The following ARSG variants were observed in gnomAD, a reference collection of about 807,000 sequenced individuals.
ARSG encodes ASG.
A neutral mutation model predicts 50.5 loss-of-function variants in ARSG; 37 were observed. The ratio of observed to expected loss-of-function variants is 0.73; its 90% CI spans 0.56 to 0.96. The LOEUF (loss-of-function observed/expected upper bound fraction) is 0.96, where lower values mean the gene tolerates loss of function less well. Among genes scored for constraint, ARSG ranks in the 50% least tolerant of loss-of-function variants. ARSG has a pLI of 0.00. For synonymous variants in ARSG, 225 were observed against 254.6 expected, an observed-to-expected ratio of 0.88 and a Z score of 1.11; for missense variants, 629 against 675.3, an observed-to-expected ratio of 0.93 and a Z score of 0.76.
At chr17:68,413,152 C>T (rs1468100108) in intron 11 of ARSG, among the ~76,000 whole-genome samples, 9 of 152,204 alleles carry the variant, frequency 5.9e-5, no homozygotes, top group Admixed American at 3.3e-4. Flanking sequence ...AGCTTTGTTC[C>T]GTTGCTGGTG....
intron 2 of ARSG, among the ~76,000 whole-genome samples, chr17:68,341,447 G>A (rs1390383017): frequency 3.9e-5 from 6 of 152,172 alleles, no homozygotes; most frequent in South Asian, 2.1e-4. Flanking sequence ...AGCTTCTGGT[G>A]TATCCTTTCA....
downstream of ARSG, chr17:68,426,994 A>AGGG (rs2083237213): frequency 1.8e-5 from 12 of 684,872 alleles, no homozygotes; most frequent in South Asian, 2.2e-4. Flanking sequence ...CTCCACCCCC[A>AGGG]GGTAACAGTG....
intron 4 of ARSG, among the ~76,000 whole-genome samples, chr17:68,348,119 C>T (rs1401865593): frequency 2.0e-5 from 3 of 152,212 alleles, no homozygotes; most frequent in Non-Finnish European, 4.4e-5. Flanking sequence ...GCTCATTCCT[C>T]TCCCTCTCCT....
At chr17:68,372,275 T>C (rs117952334) in intron 8 of ARSG, among the ~76,000 whole-genome samples, 2,240 of 151,720 alleles carry the variant, frequency 0.015, 12 homozygotes, top group Non-Finnish European at 0.021. Flanking sequence ...CTGTCATCTA[T>C]CTATCTATCT....
In ARSG at chr17:68,307,074, A is replaced by G. The variant is rs2076636682; in HGVS notation, c.-420A>G. On this transcript the variant is annotated 5_prime_UTR_variant, in exon 2 of 12. Coordinates refer to ENST00000621439, the MANE Select transcript of ARSG (RefSeq NM_001267727.2). ...CTGTAGTCACCAGATGGAGTCCCAA[A>G]CAGCCAAGCAGATGTAAGGCCTGTG... 6.1e-6 allele frequency: 1 copy of G among 163,316 alleles called. No individual in the cohort carries two copies. The highest frequency in any genetic ancestry group is 1.3e-5 in the Non-Finnish European group (1 of 75,494). The allele number at this position is 163,316 out of a possible 1,614,324, so 10.1% of individuals were successfully genotyped here.
chr17:68,437,018 G>A, the ARSG span, among the ~76,000 whole-genome samples: 11 of 80,068 alleles, frequency 1.4e-4, no homozygotes, highest in African/African-American at 2.8e-4. Context: ...ATATATATAT[G>A]TGTGTGTGTG....
At chr17:68,397,930 A>G (rs1186594137) in intron 10 of ARSG, among the ~76,000 whole-genome samples, 1 of 151,900 alleles carries the variant, frequency 6.6e-6, no homozygotes, top group South Asian at 2.1e-4. Context: ...CCACGCCTAG[A>G]TAATTTTTGT....
At chr17:68,395,316 A>C in intron 10 of ARSG, 123 bp downstream of exon 10, 1 of 1,441,702 alleles carries the variant, frequency 6.9e-7, no homozygotes, top group East Asian at 2.4e-5. Context: ...GGTCGGATAC[A>C]GTGGCTCACG....
chr17:68,339,888 C>T (rs1013150505), intron 2 of ARSG, among the ~76,000 whole-genome samples: 1 of 152,150 alleles, frequency 6.6e-6, no homozygotes, highest in Admixed American at 6.6e-5. Context: ...TGATGCTCCG[C>T]GGTTGACACT....
chr17:68,327,032 C>T (rs1296171750), intron 2 of ARSG, among the ~76,000 whole-genome samples: 2 of 152,078 alleles, frequency 1.3e-5, no homozygotes, highest in Non-Finnish European at 2.9e-5. Context: ...CACGTGCTTC[C>T]GAAGTCAAAG....
intron 8 of ARSG, among the ~76,000 whole-genome samples, chr17:68,375,755 C>T (rs1388302727): frequency 6.6e-6 from 1 of 152,080 alleles, no homozygotes; most frequent in Non-Finnish European, 1.5e-5. Context: ...GCAGCCCGGG[C>T]AGGGGTGGGA....
intron 1 of ARSG, among the ~76,000 whole-genome samples, 162 bp downstream of exon 1, chr17:68,291,730 G>A (rs782112126): frequency 2.6e-5 from 4 of 151,648 alleles, no homozygotes; most frequent in Non-Finnish European, 5.9e-5. Context: ...CGTGCAGGGT[G>A]TTGGGGGTGC....
chr17:68,426,639 TCTC>T (rs1241883458), downstream of ARSG, among the ~76,000 whole-genome samples: 1 of 152,176 alleles, frequency 6.6e-6, no homozygotes, highest in Admixed American at 6.5e-5. Flanking sequence ...TTCAAGCAAT[TCTC>T]CTGCCTCAGC....
the ARSG span, among the ~76,000 whole-genome samples, chr17:68,438,656 A>G: frequency 6.6e-6 from 1 of 152,244 alleles, no homozygotes; most frequent in Non-Finnish European, 1.5e-5. Context: ...GCTGCAGTGC[A>G]GTGGTGCGAT....
intron 9 of ARSG, among the ~76,000 whole-genome samples, chr17:68,388,254 G>A (rs953454427): frequency 1.3e-5 from 2 of 152,142 alleles, no homozygotes; most frequent in Admixed American, 6.6e-5. Flanking sequence ...TTTCCCAACC[G>A]TGGCGTGGTC....
intron 1 of ARSG, among the ~76,000 whole-genome samples, chr17:68,281,010 C>T (rs1295302585): frequency 6.6e-6 from 1 of 151,746 alleles, no homozygotes; most frequent in Non-Finnish European, 1.5e-5. Flanking sequence ...CCTGTAGTCC[C>T]AGCTGCTTGG....
Position 68,271,485 on chromosome 17 carries a change from C to G in ARSG, c.-552+12059C>G. The stretch of plus-strand genomic sequence containing the variant: ...AGGTTCGTGTTTTCTCATTTTCAAG[C>G]ATATACTGCGCTTCTTTCCGATTTT... On this transcript the variant is annotated intron_variant, in intron 1 of 11. Transcript: ENST00000448504. The surrounding 1 kb of genome is among the most constrained non-coding windows in gnomAD (Gnocchi z 5.3). 6.2e-7 allele frequency: 1 copy of G among 1,614,166 alleles called. No individual in the cohort carries two copies. The highest frequency in any genetic ancestry group is 8.5e-7 in the Non-Finnish European group (1 of 1,180,042).
At chr17:68,419,042 G>A (rs979253244) in intron 11 of ARSG, among the ~76,000 whole-genome samples, 21 of 148,630 alleles carry the variant, frequency 1.4e-4, no homozygotes, top group African/African-American at 5.2e-4. Flanking sequence ...AAAGTCATCG[G>A]AATCATAAAG....
chr17:68,357,705 G>T (rs569887613), intron 6 of ARSG, among the ~76,000 whole-genome samples: 1 of 152,198 alleles, frequency 6.6e-6, no homozygotes, highest in Non-Finnish European at 1.5e-5. Context: ...CAGGATGAAC[G>T]TAAGGCATTA....
Sources: allele counts gnomAD v4.1 joint callset (sites outside exome capture counted in the v4.1 genomes callset), GRCh38; gene constraint gnomAD v4.1.1; non-coding constraint Gnocchi (gnomAD v3.1); transcripts MANE v1.5; gene names NCBI Gene and HGNC (gene_info 2026-07-23, HGNC 2026-07-21).